The following TMEM117 variants were observed in gnomAD, a reference collection of about 807,000 sequenced individuals.
TMEM117 encodes transmembrane protein 117.
Under a neutral mutation model 52.4 loss-of-function variants are expected in TMEM117, and 27 were observed. The ratio of observed to expected loss-of-function variants is 0.51; its 90% CI spans 0.38 to 0.71. The LOEUF (loss-of-function observed/expected upper bound fraction) is 0.71. TMEM117 is among the 30% of genes least tolerant of loss of function. The probability of loss-of-function intolerance (pLI) is 0.00; values close to 1 mark genes in which losing one functional copy is unlikely to be tolerated. For synonymous variants in TMEM117, 215 were observed against 206.3 expected (o/e 1.04, Z -0.36); for missense variants, 556 against 630.5 (o/e 0.88, Z 1.26).
chr12:43,844,532 T>G (rs1943167055), intron 1 of TMEM117, 92 bp from the exon 2 acceptor site: 1 of 1,191,074 alleles, frequency 8.4e-7, no homozygotes, highest in African/African-American at 1.5e-5. Flanking sequence ...CCAAATACAT[T>G]TTTATGGAAC....
rs945249631 is a variant in TMEM117 at position 44,291,389 on chromosome 12, T to G, written c.609-8191T>G. The stretch of plus-strand genomic sequence containing the variant: ...AGTTCTAACAGTTTTTTTTTTTTTT[T>G]TTTTTTTTGGTGGAGTCTTTAGGGT... On this transcript the variant is annotated intron_variant, in intron 5 of 7. Coordinates refer to ENST00000266534, the MANE Select transcript of TMEM117 (RefSeq NM_032256.3). 3.0e-4 allele frequency among the ~76,000 whole-genome samples: 45 copies of G among 150,018 alleles called. 1 individual carries two copies. The highest frequency in any genetic ancestry group is 7.3e-4 in the African/African-American group (30 of 41,120).
At chr12:43,981,486 T>C (rs2137721948) in intron 3 of TMEM117, among the ~76,000 whole-genome samples, 1 of 152,314 alleles carries the variant, frequency 6.6e-6, no homozygotes, top group South Asian at 2.1e-4. Context: ...TAGAGCCACG[T>C]AAAACTAAAG....
chr12:44,091,561 C>A (rs148780657), intron 3 of TMEM117, among the ~76,000 whole-genome samples: 1 of 152,106 alleles, frequency 6.6e-6, no homozygotes, highest in Admixed American at 6.6e-5. Flanking sequence ...CTATTTACAG[C>A]GTGCCACTAA....
At chr12:43,917,334 G>C (rs536176026) in intron 2 of TMEM117, among the ~76,000 whole-genome samples, 2 of 151,914 alleles carry the variant, frequency 1.3e-5, no homozygotes, top group South Asian at 4.2e-4. Context: ...TCAGTAGTTT[G>C]AGGCTGCAAG....
chr12:44,326,682 C>T (rs2138713557), intron 6 of TMEM117, among the ~76,000 whole-genome samples: 1 of 152,340 alleles, frequency 6.6e-6, no homozygotes, highest in East Asian at 1.9e-4. Flanking sequence ...GATCATATCA[C>T]TCCCCTATTT....
At chr12:44,317,670 C>T (rs531133460) in intron 6 of TMEM117, among the ~76,000 whole-genome samples, 1 of 152,260 alleles carries the variant, frequency 6.6e-6, no homozygotes, top group African/African-American at 2.4e-5. Context: ...CTTCTATAGC[C>T]CTATGCACTT....
chr12:44,039,152 G>A (rs1237808333), intron 3 of TMEM117, among the ~76,000 whole-genome samples: 1 of 152,104 alleles, frequency 6.6e-6, no homozygotes, highest in Non-Finnish European at 1.5e-5. Context: ...GCAAAAGATT[G>A]TGGAGATATT....
chr12:44,349,432 G>T (rs1301773466), intron 6 of TMEM117, among the ~76,000 whole-genome samples: 1 of 152,022 alleles, frequency 6.6e-6, no homozygotes, highest in East Asian at 1.9e-4. Context: ...GAATCAAGTT[G>T]TCTGGGTACT....
At chr12:44,292,977 T>G (rs185428906) in intron 5 of TMEM117, among the ~76,000 whole-genome samples, 39 of 152,144 alleles carry the variant, frequency 2.6e-4, no homozygotes, top group African/African-American at 9.1e-4. Context: ...ATTGTTTCGT[T>G]GTTGATTTTG....
intron 3 of TMEM117, among the ~76,000 whole-genome samples, chr12:44,131,770 T>A (rs1948417304): frequency 6.6e-6 from 1 of 152,144 alleles, no homozygotes; most frequent in African/African-American, 2.4e-5. Context: ...TATACCAAAT[T>A]TTATGTTGTT....
intron 3 of TMEM117, among the ~76,000 whole-genome samples, chr12:44,128,723 G>T (rs913473469): frequency 2.0e-5 from 3 of 152,180 alleles, no homozygotes; most frequent in Admixed American, 6.5e-5. Flanking sequence ...TTCAGTATTT[G>T]TGAGGGATTT....
At chr12:44,131,816 C>T (rs1009285478) in intron 3 of TMEM117, among the ~76,000 whole-genome samples, 1 of 151,998 alleles carries the variant, frequency 6.6e-6, no homozygotes, top group Non-Finnish European at 1.5e-5. Flanking sequence ...CTATTTTCAA[C>T]CTTTATGTAG....
intron 2 of TMEM117, among the ~76,000 whole-genome samples, chr12:43,880,265 C>T (rs1164042762): frequency 1.3e-5 from 2 of 151,966 alleles, no homozygotes; most frequent in African/African-American, 4.8e-5. Context: ...GTGGCTTTTG[C>T]TTTTTTATTA....
intron 6 of TMEM117, among the ~76,000 whole-genome samples, chr12:44,335,021 A>C (rs1951322775): frequency 6.6e-6 from 1 of 152,082 alleles, no homozygotes; most frequent in Non-Finnish European, 1.5e-5. Flanking sequence ...AGAAATTGTC[A>C]TGGAAAATTT....
chr12:43,926,828 TTCA>T (rs1436970392), intron 2 of TMEM117, among the ~76,000 whole-genome samples: 1 of 152,122 alleles, frequency 6.6e-6, no homozygotes, highest in Non-Finnish European at 1.5e-5. Context: ...CTCTTTTTTC[TTCA>T]TCAGTCTAGT....
chr12:44,258,283 T>G (rs997531389), intron 5 of TMEM117, among the ~76,000 whole-genome samples: 12 of 152,182 alleles, frequency 7.9e-5, no homozygotes, highest in African/African-American at 2.7e-4. Flanking sequence ...TTTTTGACAT[T>G]AGTTCCTCTT....
rs543013823 is a variant in TMEM117, at chr12:44,335,192, G to T, written c.768+35453G>T. 2.0e-5 allele frequency among the ~76,000 whole-genome samples: 3 copies of T among 152,130 alleles called. No individual in the cohort carries two copies. In the South Asian group the frequency reaches 6.2e-4, roughly 32 times the overall value. On this transcript the variant is annotated intron_variant, in intron 6 of 7. Coordinates refer to ENST00000266534, the MANE Select transcript of TMEM117 (RefSeq NM_032256.3). ...GAAACTAACACTGGATATGTGGCCT[G>T]AAGTCAGATTATGGAAGCACTTGAA...
chr12:44,383,872 C>T (rs1464338032), intron 7 of TMEM117, among the ~76,000 whole-genome samples: 2 of 152,090 alleles, frequency 1.3e-5, no homozygotes, highest in Non-Finnish European at 2.9e-5. Flanking sequence ...AAACCTTTCT[C>T]CTTCTAAAAT....
At chr12:44,218,528 A>G (rs1350247334) in intron 5 of TMEM117, among the ~76,000 whole-genome samples, 1 of 152,174 alleles carries the variant, frequency 6.6e-6, no homozygotes, top group Non-Finnish European at 1.5e-5. Flanking sequence ...AGCTAACATC[A>G]TACTCAGTGG....
Sources: allele counts gnomAD v4.1 joint callset (sites outside exome capture counted in the v4.1 genomes callset), GRCh38; gene constraint gnomAD v4.1.1; transcripts MANE v1.5; gene names NCBI Gene and HGNC (gene_info 2026-07-23, HGNC 2026-07-21).